Variants in SAMD12 observed in about 807,000 individuals in gnomAD.
SAMD12 encodes sterile alpha motif domain-containing protein 12.
Under a neutral mutation model 15.0 loss-of-function variants are expected in SAMD12, and 9 were observed. That is an observed-to-expected ratio of 0.60 (90% CI 0.36 to 1.05). SAMD12 has a LOEUF of 1.05. Ranked by LOEUF, SAMD12 falls within the 50% of genes least tolerant of loss-of-function variation. SAMD12 has a pLI of 0.01. For missense variants in SAMD12, 230 were observed against 234.2 expected (o/e 0.98, Z 0.12); for synonymous variants, 86 against 90.1 (o/e 0.96, Z 0.25).
intron 2 of SAMD12, among the ~76,000 whole-genome samples, chr8:118,548,521 T>A (rs1483096164): frequency 6.6e-6 from 1 of 152,074 alleles, no homozygotes; most frequent in Non-Finnish European, 1.5e-5. Context: ...AGGTATTTGT[T>A]AACATCTACA....
chr8:118,543,873 C>T (rs7834477), intron 2 of SAMD12, among the ~76,000 whole-genome samples: 11,776 of 152,076 alleles, frequency 0.077, 816 homozygotes, highest in African/African-American at 0.19. Context: ...TTTATATTCA[C>T]CTTTCATTCC....
At chr8:118,342,417 T>C (rs1817421107) in intron 4 of SAMD12, among the ~76,000 whole-genome samples, 1 of 152,192 alleles carries the variant, frequency 6.6e-6, no homozygotes, top group African/African-American at 2.4e-5. Context: ...CCACCAATCG[T>C]AGATAAGGGA....
At chr8:118,418,260 A>T (rs534438328) in intron 3 of SAMD12, among the ~76,000 whole-genome samples, 1 of 152,342 alleles carries the variant, frequency 6.6e-6, no homozygotes, top group African/African-American at 2.4e-5. Flanking sequence ...TTTATGCAGC[A>T]GTCTTTTCTA....
intron 2 of SAMD12, among the ~76,000 whole-genome samples, chr8:118,569,504 ATGTTTG>A (rs1826946674): frequency 6.6e-6 from 1 of 152,190 alleles, no homozygotes; most frequent in Admixed American, 6.5e-5. Context: ...GTCAGACAAA[ATGTTTG>A]TGCCTCCTAA....
At chr8:118,165,634 A>ACATATATATGTG in the SAMD12 span, among the ~76,000 whole-genome samples, 1 of 144,586 alleles carries the variant, frequency 6.9e-6, no homozygotes, top group African/African-American at 2.6e-5. Flanking sequence ...ATATATATAT[A>ACATATATATGTG]TACATATATA....
chr8:118,235,366 A>C (rs190430043), intron 4 of SAMD12, among the ~76,000 whole-genome samples: 3 of 152,212 alleles, frequency 2.0e-5, no homozygotes, highest in Admixed American at 2.0e-4. Flanking sequence ...ATGTGCCACT[A>C]TGCCCAGCTA....
At chr8:118,249,377 C>T (rs951098009) in intron 4 of SAMD12, among the ~76,000 whole-genome samples, 1 of 152,114 alleles carries the variant, frequency 6.6e-6, no homozygotes, top group African/African-American at 2.4e-5. Flanking sequence ...TAATCCAATA[C>T]CTACACATGA....
chr8:118,369,252 T>G (rs1818956306), intron 4 of SAMD12, among the ~76,000 whole-genome samples: 1 of 151,836 alleles, frequency 6.6e-6, no homozygotes, highest in Non-Finnish European at 1.5e-5. Context: ...GAAATAAGAG[T>G]GCACACCTAC....
chr8:118,588,032 C>A (rs181952125), intron 1 of SAMD12, among the ~76,000 whole-genome samples: 1 of 152,150 alleles, frequency 6.6e-6, no homozygotes, highest in Non-Finnish European at 1.5e-5. Context: ...TAGGAATATA[C>A]CTTAGGAATA....
At position 118,233,690 on chromosome 8, in the gene SAMD12, G is replaced by A. The variant is rs111249703; in HGVS notation, c.434-35958C>T. Among the ~76,000 whole-genome samples the A allele has an allele frequency of 2.9e-3, 448 of 152,272 alleles. 4 individuals carry two copies. Among genetic ancestry groups the A allele is most frequent in the African/African-American group, 0.01 (429 of 41,566 alleles). ...CCTTTCCCTAAAGGCTGGGAAAAGA[G>A]GTTGTGAAGCCCCAGATGGCAGCAC... On this transcript the variant is annotated intron_variant, in intron 4 of 4. Transcript: ENST00000409003.
chr8:118,271,179 C>T (rs1813346935), intron 4 of SAMD12, among the ~76,000 whole-genome samples: 1 of 152,140 alleles, frequency 6.6e-6, no homozygotes, highest in Non-Finnish European at 1.5e-5. Context: ...TTCAGCATGG[C>T]TGAGAGGCCT....
At chr8:118,248,594 G>C (rs950196825) in intron 4 of SAMD12, among the ~76,000 whole-genome samples, 1 of 151,394 alleles carries the variant, frequency 6.6e-6, no homozygotes, top group African/African-American at 2.4e-5. Context: ...TGTCTGTTTT[G>C]GCCACTATTT....
At chr8:118,244,690 G>C (rs1361289475) in intron 4 of SAMD12, among the ~76,000 whole-genome samples, 1 of 152,060 alleles carries the variant, frequency 6.6e-6, no homozygotes, top group East Asian at 1.9e-4. Flanking sequence ...AGCTCTACAG[G>C]GTAGAATGAG....
intron 4 of SAMD12, among the ~76,000 whole-genome samples, chr8:118,346,040 G>A (rs759585655): frequency 5.3e-5 from 8 of 152,146 alleles, no homozygotes; most frequent in South Asian, 2.1e-4. Context: ...GACCCTTGGT[G>A]CATCTGTTTA....
intron 2 of SAMD12, among the ~76,000 whole-genome samples, chr8:118,522,422 T>TGAATTAAGA (rs1439077828): frequency 6.6e-6 from 1 of 152,122 alleles, no homozygotes; most frequent in African/African-American, 2.4e-5. Context: ...TGTATCAAAC[T>TGAATTAAGA]GAATTAAGAA....
intron 2 of SAMD12, among the ~76,000 whole-genome samples, chr8:118,511,434 C>G (rs1825076505): frequency 6.7e-6 from 1 of 149,004 alleles, no homozygotes; most frequent in African/African-American, 2.5e-5. Flanking sequence ...AATTTGGAAA[C>G]CTCTTGTTTT....
intron 2 of SAMD12, among the ~76,000 whole-genome samples, chr8:118,473,023 T>C (rs1823847981): frequency 6.6e-6 from 1 of 152,188 alleles, no homozygotes; most frequent in African/African-American, 2.4e-5. Context: ...CCTCTACACA[T>C]TGCTCTCCTA....
chr8:118,210,265 G>A (rs539942689), intron 4 of SAMD12, among the ~76,000 whole-genome samples: 2 of 152,314 alleles, frequency 1.3e-5, no homozygotes, highest in South Asian at 2.1e-4. Context: ...AAGTTGATAT[G>A]ATTATCAGTT....
rs563090306 is a variant in SAMD12, at chr8:118,524,934, T to C, written c.192+55781A>G. On this transcript the variant is annotated intron_variant, in intron 2 of 3. Transcript: ENST00000314727. ...TTCCTGCTTTTCCCCTGACAGTCTG[T>C]TCTCAACAGAGCAGCCAGAGTGATC... is the stretch of plus-strand genomic sequence containing the variant. 4.5e-4 allele frequency among the ~76,000 whole-genome samples: 69 copies of C among 152,318 alleles called. No homozygotes were observed. The South Asian group carries it at 0.013, about 28-fold the overall frequency.
Sources: allele counts gnomAD v4.1 joint callset (sites outside exome capture counted in the v4.1 genomes callset), GRCh38; gene constraint gnomAD v4.1.1; transcripts MANE v1.5; gene names NCBI Gene and HGNC (gene_info 2026-07-23, HGNC 2026-07-21).